The following MIA3 variants were observed in gnomAD, a reference collection of about 807,000 sequenced individuals.
MIA3 encodes the protein MIA SH3 domain ER export factor 3.
In MIA3, 90 loss-of-function variants were observed where a neutral mutation model predicts 192.4. The ratio of observed to expected loss-of-function variants is 0.47; its 90% CI spans 0.39 to 0.56. MIA3 has a LOEUF of 0.56. MIA3 is among the 20% of genes least tolerant of loss of function. The pLI is 0.00. For missense variants in MIA3, 2,123 were observed against 2,269.4 expected, an observed-to-expected ratio of 0.94 and a Z score of 1.31; for synonymous variants, 740 against 792.8, an observed-to-expected ratio of 0.93 and a Z score of 1.12.
At chr1:222,664,770 C>T (rs549074815) in intron 27 of MIA3, 20 of 226,742 alleles carry the variant, frequency 8.8e-5, no homozygotes, top group Non-Finnish European at 1.4e-4. Flanking sequence ...TTAACTGATA[C>T]ACAGTAGTTA....
At position 222,650,817 on chromosome 1, in the gene MIA3, A is replaced by T; in HGVS notation, c.3823A>T (p.Asn1275Tyr). ...YKDKIKTLEK[N>Y]QEILDDTAKN... ...GGATAAAATCAAGACACTTGAAAAA[A>T]ATCAGGAAATTCTGGATGACACAGC... The change falls in exon 11 of 28, where the codon AAT (asparagine) becomes TAT (tyrosine). Residue 1275 changes from asparagine (N) to tyrosine (Y), a missense_variant. Transcript: ENST00000344922. 1 of 1,609,816 alleles carries T rather than the reference A, an allele frequency of 6.2e-7. No individual in the cohort carries two copies. The highest frequency in any genetic ancestry group is 8.5e-7 in the Non-Finnish European group (1 of 1,178,042).
chr1:222,644,651 G>A, intron 6 of MIA3: 1 of 1,503,848 alleles, frequency 6.6e-7, no homozygotes, highest in Admixed American at 2.0e-5. Context: ...GTTCTAAGCA[G>A]AGTGGGTGCA....
Position 222,654,273 on chromosome 1 carries a change from T to A in MIA3, c.4352T>A (p.Ile1451Asn). 1.2e-6 allele frequency: 2 copies of A among 1,614,044 alleles called. No homozygotes were observed. Among genetic ancestry groups the A allele is most frequent in the Non-Finnish European group, 1.7e-6 (2 of 1,179,978 alleles). The stretch of plus-strand genomic sequence containing the variant: ...CGGAATGAGAAGATGAAAAATCAAA[T>A]TAAGCAGATGATGGATGTCTCTCGG... ...GDRNEKMKNQ[I>N]KQMMDVSRTQ... Residue 1451 changes from isoleucine (I) to asparagine (N), a missense_variant, in exon 16 of 28, where the codon ATT (isoleucine) becomes AAT (asparagine). Physicochemically the swap from Ile to Asn is moderately radical, Grantham distance 149 (BLOSUM62 -3). Coordinates refer to ENST00000344922, the MANE Select transcript of MIA3 (RefSeq NM_198551.4).
rs201935350 is a variant in MIA3 at position 222,650,411 on chromosome 1, C to T, written c.3720+31C>T. ...ATTATTCTTTGTTTTTTTTTTTTTT[C>T]ATGGTCCCAGCTTGAATTATTTGTC... On this transcript the variant is annotated intron_variant, in intron 9 of 27. Coordinates refer to ENST00000344922, the MANE Select transcript of MIA3 (RefSeq NM_198551.4). The T allele has an allele frequency of 3.1e-5, 35 of 1,130,426 alleles. 1 individual carries two copies. In the East Asian group the frequency reaches 6.3e-4, roughly 20 times the overall value. The allele number at this position is 1,130,426 out of a possible 1,614,324, so 70.0% of individuals were successfully genotyped here. A position where few individuals can be genotyped will look rare whatever the true frequency, so the allele number is the denominator to read the frequency against.
In MIA3 at chr1:222,666,799, A is replaced by ATACT. The variant is rs1469063651; in HGVS notation, c.*1183_*1186dup. 6.6e-6 allele frequency: 1 copy of ATACT among 152,166 alleles called. No homozygotes were observed. Among genetic ancestry groups the ATACT allele is most frequent in the Non-Finnish European group, 1.5e-5 (1 of 68,030 alleles). 9.4% of individuals were successfully genotyped at this position (152,166 alleles called of 1,614,324 possible). Reference sequence around the variant, plus strand: ...GTAACTAACCATCTGGAATTGCACCATACTTAAAGTCTTATCCATTACTAC... The same window carrying ATACT: ...GTAACTAACCATCTGGAATTGCACCATACTTACTTAAAGTCTTATCCATTACTAC... On this transcript the variant is annotated 3_prime_UTR_variant, in exon 28 of 28. Transcript: ENST00000344922.
Position 222,628,087 on chromosome 1 carries a change from T to A in MIA3, c.867T>A (p.Asp289Glu). ...FGSTADALVS[D>E]DETTRLVTSL... ...CAACAGCTGATGCACTTGTATCTGA[T>A]GATGAGACAACCAGACTCGTTACTT... The change falls in exon 4 of 28, where the codon GAT (aspartate) becomes GAA (glutamate). Residue 289 changes from aspartate (D) to glutamate (E), a missense_variant. Asp to Glu is a conservative substitution (Grantham distance 45). Transcript: ENST00000344922. The A allele has an allele frequency of 1.9e-6, 3 of 1,614,132 alleles. No individual in the cohort carries two copies. The South Asian group carries it at 3.3e-5, about 18-fold the overall frequency.
intron 6 of MIA3, among the ~76,000 whole-genome samples, chr1:222,643,542 A>C (rs1662960240): frequency 6.6e-6 from 1 of 152,172 alleles, no homozygotes; most frequent in Non-Finnish European, 1.5e-5. Flanking sequence ...AAGGTCTAAA[A>C]ATGGTATTTT....
intron 8 of MIA3, 142 bp downstream of exon 8, chr1:222,648,992 C>A: frequency 1.8e-6 from 1 of 568,546 alleles, no homozygotes; most frequent in East Asian, 3.1e-5. Flanking sequence ...CCTAGGTTGC[C>A]AGGTTGTATG....
At position 222,632,197 on chromosome 1, in the gene MIA3, C is replaced by T. The variant is rs996625035; in HGVS notation, c.3202C>T (p.Arg1068Ter). The T allele has an allele frequency of 3.1e-6, 5 of 1,614,090 alleles. No homozygotes were observed. Among genetic ancestry groups the T allele is most frequent in the Non-Finnish European group, 3.4e-6 (4 of 1,179,988 alleles). The change falls in exon 5 of 28, where the codon CGA (arginine) becomes TGA (stop). Residue 1068 changes from arginine (R) to a stop codon, truncating the protein, a stop_gained. Coordinates refer to ENST00000344922, the MANE Select transcript of MIA3 (RefSeq NM_198551.4). LOFTEE classifies it high-confidence loss of function. ...ACCACTGCATGAAGATAATTTCTCA[C>T]GAGAGAAGACAGCAGAACTTAATGT... ...MQPLHEDNFSREKTAELNVQV... is the reference protein window; with the variant it reads ...MQPLHEDNFS
In MIA3 at chr1:222,629,485, T is replaced by C; in HGVS notation, c.2265T>C (p.Asp755=). Residue 755 remains aspartate (D), a synonymous_variant, in exon 4 of 28, where the codon GAT becomes GAC. Transcript: ENST00000344922. ...KNPGNQGRQF[D]VNLQVPDRAV... is the part of the protein sequence containing the mutation. ...CTGGGAATCAGGGCAGGCAGTTTGA[T>C]GTTAATCTGCAAGTCCCTGACAGAG... is the stretch of plus-strand genomic sequence containing the variant. The C allele has an allele frequency of 6.2e-7, 1 of 1,614,084 alleles. No homozygotes were observed. The highest frequency in any genetic ancestry group is 8.5e-7 in the Non-Finnish European group (1 of 1,180,022).
intron 2 of MIA3, 31 bp downstream of exon 2, chr1:222,621,323 T>C (rs750567970): frequency 1.3e-6 from 2 of 1,588,110 alleles, no homozygotes; most frequent in Non-Finnish European, 1.7e-6. Context: ...CTTTATTTGC[T>C]TAATTTTTAT....
chr1:222,650,336 G>C lies in MIA3; in HGVS notation c.3676G>C (p.Glu1226Gln). The C allele has an allele frequency of 6.2e-7, 1 of 1,605,720 alleles. No individual in the cohort carries two copies. Among genetic ancestry groups the C allele is most frequent in the Non-Finnish European group, 8.5e-7 (1 of 1,174,472 alleles). ...ISEKLKTIMK[E>Q]NTELVQKLSN... ...TGAGAAGTTGAAGACTATCATGAAA[G>C]AAAATACAGAACTTGTACAAAAATT... The change falls in exon 9 of 28, where the codon GAA becomes CAA. Residue 1226 changes from glutamate to glutamine, a missense_variant. Glu to Gln is a conservative substitution (Grantham distance 29). Coordinates refer to ENST00000344922, the MANE Select transcript of MIA3 (RefSeq NM_198551.4).
intron 8 of MIA3, chr1:222,649,795 A>G (rs1236978775): frequency 6.2e-6 from 1 of 160,236 alleles, no homozygotes; most frequent in Non-Finnish European, 1.4e-5. Context: ...ATACTGGGTA[A>G]TTTATAAGAA....
chr1:222,662,083 C>G lies in MIA3; in HGVS notation c.5141C>G (p.Pro1714Arg). The change falls in exon 25 of 28, where the codon CCT becomes CGT. Residue 1714 changes from proline to arginine, a missense_variant. By Grantham distance (103) the Pro-to-Arg change is moderately radical. This residue lies in a region of MIA3 where 762 missense variants were observed against 856.4 expected (regional missense o/e 0.89). Coordinates refer to ENST00000344922, the MANE Select transcript of MIA3 (RefSeq NM_198551.4). ...TCAGTGGACGGGCCTCTACCTCATC[C>G]TCGATGGTCAGCTGAGGCATCTGGG... Reference protein sequence around the residue: ...FGSVDGPLPHPRWSAEASGKP... With the variant: ...FGSVDGPLPHRRWSAEASGKP... 1 of 1,614,102 alleles carries G rather than the reference C, an allele frequency of 6.2e-7. No homozygotes were observed. The highest frequency in any genetic ancestry group is 1.1e-5 in the South Asian group (1 of 91,082).
At chr1:222,650,931 A>G (rs757136062) in intron 11 of MIA3, 28 bp downstream of exon 11, 5 of 1,398,964 alleles carry the variant, frequency 3.6e-6, no homozygotes, top group Non-Finnish European at 5.0e-6. Context: ...AAGTATTACT[A>G]ATAATTTGGG....
At chr1:222,621,902 G>A (rs1238107156) in intron 2 of MIA3, among the ~76,000 whole-genome samples, 2 of 150,024 alleles carry the variant, frequency 1.3e-5, no homozygotes, top group Non-Finnish European at 3.0e-5. Context: ...TCCGCCTCCC[G>A]GGTTCACGCC....
chr1:222,628,195 T>C lies in MIA3; in HGVS notation c.975T>C (p.Phe325=). The C allele has an allele frequency of 6.2e-7, 1 of 1,614,118 alleles. No individual in the cohort carries two copies. Among genetic ancestry groups the C allele is most frequent in the Non-Finnish European group, 8.5e-7 (1 of 1,180,040 alleles). Reference sequence around the variant, plus strand: ...AAGATGAGGAGAACCAAGAAGACTTTGATGAGTTGCCATTACTTACCTTTA... The same window carrying C: ...AAGATGAGGAGAACCAAGAAGACTTCGATGAGTTGCCATTACTTACCTTTA... ...GKEDEENQED[F]DELPLLTFTD... Residue 325 remains phenylalanine, a synonymous_variant, in exon 4 of 28, where the codon TTT becomes TTC. Coordinates refer to ENST00000344922, the MANE Select transcript of MIA3 (RefSeq NM_198551.4).
At chr1:222,623,242 A>T (rs3008615) in intron 2 of MIA3, among the ~76,000 whole-genome samples, 35,703 of 151,708 alleles carry the variant, frequency 0.24, 4,645 homozygotes, top group Admixed American at 0.35. Context: ...ATTAGACATA[A>T]AGATTTTTTC....
At position 222,626,056 on chromosome 1, in the gene MIA3, G is replaced by GC. The variant is rs1299550914; in HGVS notation, c.354+1208dup. ...ATATATATAAAAAACACCATGCCCA[G>GC]CCCCCCATCTGATTGTTTTGTGAGT... is the stretch of plus-strand genomic sequence containing the variant. On this transcript the variant is annotated intron_variant, in intron 3 of 27. Coordinates refer to ENST00000344922, the MANE Select transcript of MIA3 (RefSeq NM_198551.4). Among the ~76,000 whole-genome samples, 8 of 152,146 alleles carry GC rather than the reference G, an allele frequency of 5.3e-5. No individual in the cohort carries two copies. In the South Asian group the frequency reaches 1.2e-3, roughly 24 times the overall value.
Sources: allele counts gnomAD v4.1 joint callset (sites outside exome capture counted in the v4.1 genomes callset), GRCh38; gene constraint gnomAD v4.1.1; regional missense constraint gnomAD v4.1.1; transcripts MANE v1.5; gene names NCBI Gene and HGNC (gene_info 2026-07-23, HGNC 2026-07-21).